CNTNAP2: variants seen among roughly 807,000 people sequenced by gnomAD.
CNTNAP2 encodes contactin-associated protein-like 2.
Under a neutral mutation model 155.2 loss-of-function variants are expected in CNTNAP2, and 98 were observed. The observed-to-expected ratio is 0.63, with a 90% CI of 0.54 to 0.75. CNTNAP2 has a LOEUF of 0.75. CNTNAP2 is among the 30% of genes least tolerant of loss of function. The pLI, the probability that CNTNAP2 is intolerant of heterozygous loss-of-function variation, is 0.00. For synonymous variants in CNTNAP2, 651 were observed against 631.2 expected (o/e 1.03, Z -0.47); for missense variants, 1,727 against 1,688.1 (o/e 1.02, Z -0.40).
At chr7:146,731,935 C>CTA (rs978161459) in intron 1 of CNTNAP2, among the ~76,000 whole-genome samples, 87 of 145,886 alleles carry the variant, frequency 6.0e-4, no homozygotes, top group Middle Eastern at 7.1e-3. Context: ...CATTTTTTGT[C>CTA]TATATATATA....
intron 1 of CNTNAP2, among the ~76,000 whole-genome samples, chr7:146,204,335 G>C (rs1033422993): frequency 6.6e-6 from 1 of 152,086 alleles, no homozygotes; most frequent in Non-Finnish European, 1.5e-5. Context: ...ACTGAAACTT[G>C]TTCTTAAAAC....
At chr7:147,304,703 G>A (rs1794996726) in intron 9 of CNTNAP2, among the ~76,000 whole-genome samples, 2 of 152,108 alleles carry the variant, frequency 1.3e-5, no homozygotes, top group South Asian at 4.1e-4. Flanking sequence ...GATAGGATAG[G>A]ATTTGTGTTA....
At chr7:146,728,572 G>A (rs1014627428) in intron 1 of CNTNAP2, among the ~76,000 whole-genome samples, 5 of 145,822 alleles carry the variant, frequency 3.4e-5, no homozygotes, top group African/African-American at 2.5e-5. Flanking sequence ...GTTGTACACC[G>A]TAAATCTATA....
At chr7:148,033,968 C>T (rs559590807) in intron 15 of CNTNAP2, among the ~76,000 whole-genome samples, 11 of 152,062 alleles carry the variant, frequency 7.2e-5, no homozygotes, top group Non-Finnish European at 1.3e-4. Flanking sequence ...TTAGAGAAAG[C>T]ATTCACCGTG....
At chr7:146,794,788 G>T (rs946389073) in intron 2 of CNTNAP2, among the ~76,000 whole-genome samples, 2 of 152,168 alleles carry the variant, frequency 1.3e-5, no homozygotes, top group African/African-American at 4.8e-5. Context: ...AACAATACAA[G>T]TACTTCAAAG....
intron 1 of CNTNAP2, among the ~76,000 whole-genome samples, chr7:146,669,588 A>G (rs1800260518): frequency 6.6e-6 from 1 of 152,098 alleles, no homozygotes; most frequent in Non-Finnish European, 1.5e-5. Flanking sequence ...TGCTTTTTAA[A>G]ATTTATCCAA....
At chr7:148,227,449 G>C (rs938019878) in intron 19 of CNTNAP2, among the ~76,000 whole-genome samples, 5 of 152,220 alleles carry the variant, frequency 3.3e-5, no homozygotes, top group African/African-American at 9.6e-5. Flanking sequence ...TTTTTAAAGA[G>C]GAGGCTGACT....
intron 1 of CNTNAP2, among the ~76,000 whole-genome samples, chr7:146,710,182 A>G (rs1200571712): frequency 6.6e-6 from 1 of 152,190 alleles, no homozygotes; most frequent in Non-Finnish European, 1.5e-5. Flanking sequence ...GATTAGGATT[A>G]GGAGCTAACG....
chr7:147,567,252 G>A (rs970842229), intron 12 of CNTNAP2, among the ~76,000 whole-genome samples: 98 of 152,288 alleles, frequency 6.4e-4, no homozygotes, highest in African/African-American at 2.2e-3. Context: ...TGAGCTGAGT[G>A]TTGAAGAACA....
At chr7:147,222,603 GT>G (rs1263350550) in intron 8 of CNTNAP2, among the ~76,000 whole-genome samples, 2 of 151,978 alleles carry the variant, frequency 1.3e-5, no homozygotes, top group Non-Finnish European at 2.9e-5. Flanking sequence ...CCTTCAAACT[GT>G]TTTTTGTCTT....
At chr7:146,923,112 T>G (rs1378881688) in intron 3 of CNTNAP2, among the ~76,000 whole-genome samples, 3 of 152,164 alleles carry the variant, frequency 2.0e-5, no homozygotes, top group Non-Finnish European at 4.4e-5. Context: ...GCAAGTTGCT[T>G]AATCTTTTAA....
rs566945568 is a variant in CNTNAP2, at chr7:147,079,165, G to A, written c.551-28982G>A. Among the ~76,000 whole-genome samples the A allele has an allele frequency of 4.2e-4, 64 of 152,174 alleles. No homozygotes were observed. The South Asian group carries it at 0.012, about 29-fold the overall frequency. On this transcript the variant is annotated intron_variant, in intron 4 of 23. Transcript: ENST00000361727. ...CTAACTATTGTTATAAAGATTTTAC[G>A]CATTTTGACTGATTTAATCCTCACT... is the stretch of plus-strand genomic sequence containing the variant.
chr7:146,985,162 CTTAA>C (rs1798092175), intron 3 of CNTNAP2, among the ~76,000 whole-genome samples: 1 of 151,988 alleles, frequency 6.6e-6, no homozygotes, highest in Non-Finnish European at 1.5e-5. Flanking sequence ...CCTAGGAGTC[CTTAA>C]TTACTCTGTG....
In CNTNAP2 at chr7:146,501,361, AT is replaced by A. The variant is rs201064850; in HGVS notation, c.98-272900del. 4.3e-4 allele frequency among the ~76,000 whole-genome samples: 65 copies of A among 150,176 alleles called. No individual in the cohort carries two copies. In the East Asian group the frequency reaches 6.6e-3, roughly 15 times the overall value. On this transcript the variant is annotated intron_variant, in intron 1 of 23. Coordinates refer to ENST00000361727, the MANE Select transcript of CNTNAP2 (RefSeq NM_014141.6). ...TTGGCTTGAAGTTTCTGTTGTGGAAATTTTTTTTTTATTACTAATCCAATCT... is the reference window on the plus strand; with the variant it reads ...TTGGCTTGAAGTTTCTGTTGTGGAAATTTTTTTTTATTACTAATCCAATCT...
At chr7:146,553,406 T>C (rs191902110) in intron 1 of CNTNAP2, among the ~76,000 whole-genome samples, 1 of 152,126 alleles carries the variant, frequency 6.6e-6, no homozygotes, top group African/African-American at 2.4e-5. Flanking sequence ...TCGGTACCTT[T>C]ATTTGTTCTG....
At chr7:147,005,772 C>G (rs1037918547) in intron 3 of CNTNAP2, among the ~76,000 whole-genome samples, 2 of 152,024 alleles carry the variant, frequency 1.3e-5, no homozygotes, top group Non-Finnish European at 2.9e-5. Context: ...ATGGAACATT[C>G]CTTTAGAGAT....
intron 10 of CNTNAP2, among the ~76,000 whole-genome samples, chr7:147,402,101 C>A (rs903488008): frequency 2.0e-4 from 31 of 152,222 alleles, no homozygotes; most frequent in Admixed American, 1.4e-3. Flanking sequence ...TACTTGAACA[C>A]ATACATTTTG....
intron 14 of CNTNAP2, among the ~76,000 whole-genome samples, chr7:147,975,026 A>ATATAATACAATTTTTTGTATTACG (rs1554456734): frequency 0.18 from 24,099 of 137,004 alleles, 4,324 homozygotes; most frequent in East Asian, 0.52. Context: ...TTTGTATTAC[A>ATATAATACAATTTTTTGTATTACG]TATAATACAA....
intron 1 of CNTNAP2, among the ~76,000 whole-genome samples, chr7:146,743,022 G>C (rs1236279957): frequency 1.3e-5 from 2 of 151,844 alleles, no homozygotes; most frequent in Non-Finnish European, 2.9e-5. Flanking sequence ...GCTAAAAATA[G>C]TGAAATCTTT....
Sources: allele counts gnomAD v4.1 joint callset (sites outside exome capture counted in the v4.1 genomes callset), GRCh38; gene constraint gnomAD v4.1.1; transcripts MANE v1.5; gene names NCBI Gene and HGNC (gene_info 2026-07-23, HGNC 2026-07-21).